NKAIN2: variants seen among roughly 807,000 people sequenced by gnomAD.
NKAIN2 encodes the protein sodium/potassium-transporting ATPase subunit beta-1-interacting protein 2.
NKAIN2 carries 14 observed loss-of-function variants against 32.6 expected under a neutral mutation model. That is an observed-to-expected ratio of 0.43 (90% confidence interval 0.28 to 0.67). The LOEUF is 0.67. NKAIN2 is among the 30% of genes least tolerant of loss of function. The pLI is 0.17. For synonymous variants in NKAIN2, 80 were observed against 87.2 expected (o/e 0.92, Z 0.46); for missense variants, 198 against 258.3 (o/e 0.77, Z 1.60).
chr6:124,644,982 A>G (rs1475550308), intron 3 of NKAIN2, among the ~76,000 whole-genome samples: 1 of 152,226 alleles, frequency 6.6e-6, no homozygotes, highest in Admixed American at 6.5e-5. Flanking sequence ...GTCTACAGGA[A>G]AATAGATGAA....
At chr6:123,945,235 AG>A (rs1777009710) in intron 1 of NKAIN2, among the ~76,000 whole-genome samples, 1 of 152,046 alleles carries the variant, frequency 6.6e-6, no homozygotes, top group Non-Finnish European at 1.5e-5. Context: ...GGTTTACCAA[AG>A]CCTCTAACTG....
intron 4 of NKAIN2, among the ~76,000 whole-genome samples, chr6:124,740,837 T>C (rs1352113952): frequency 1.3e-5 from 2 of 151,880 alleles, no homozygotes; most frequent in Non-Finnish European, 2.9e-5. Flanking sequence ...GTTTATTTGA[T>C]CTAATTATAT....
chr6:124,179,954 C>T (rs1310531667), intron 1 of NKAIN2, among the ~76,000 whole-genome samples: 1 of 152,102 alleles, frequency 6.6e-6, no homozygotes, highest in Non-Finnish European at 1.5e-5. Context: ...TTTAGAGGAG[C>T]AAGAGATTTA....
intron 1 of NKAIN2, among the ~76,000 whole-genome samples, chr6:124,025,473 G>T (rs1046565696): frequency 2.1e-4 from 31 of 150,164 alleles, no homozygotes; most frequent in African/African-American, 7.6e-4. Flanking sequence ...AAAAAAAAAT[G>T]AACAAACAAA....
chr6:124,675,746 G>A (rs979201797), intron 4 of NKAIN2, among the ~76,000 whole-genome samples: 4 of 151,278 alleles, frequency 2.6e-5, no homozygotes, highest in African/African-American at 7.3e-5. Flanking sequence ...TTTATCCTAA[G>A]TGAATGTTTG....
intron 1 of NKAIN2, among the ~76,000 whole-genome samples, chr6:123,932,124 T>C (rs116304284): frequency 1.2e-3 from 187 of 152,316 alleles, no homozygotes; most frequent in African/African-American, 4.3e-3. Context: ...GTTTGGCTGC[T>C]CCATCTCCAT....
chr6:124,192,587 A>G (rs1329990337), intron 1 of NKAIN2, among the ~76,000 whole-genome samples: 2 of 152,118 alleles, frequency 1.3e-5, no homozygotes, highest in Non-Finnish European at 2.9e-5. Context: ...GTAGTGTTCA[A>G]TAAAAGTTAA....
At chr6:124,247,322 A>T (rs1793459451) in intron 1 of NKAIN2, among the ~76,000 whole-genome samples, 1 of 152,158 alleles carries the variant, frequency 6.6e-6, no homozygotes, top group East Asian at 1.9e-4. Flanking sequence ...AGACATTTTT[A>T]AAAATTGCTT....
At chr6:123,865,936 G>A (rs1173831456) in intron 1 of NKAIN2, among the ~76,000 whole-genome samples, 1 of 152,188 alleles carries the variant, frequency 6.6e-6, no homozygotes, top group African/African-American at 2.4e-5. Context: ...GTAACAAAAT[G>A]TATTTTCTCA....
chr6:124,468,131 T>C (rs984473980), intron 3 of NKAIN2, among the ~76,000 whole-genome samples: 1 of 152,138 alleles, frequency 6.6e-6, no homozygotes, highest in African/African-American at 2.4e-5. Flanking sequence ...GTATATCTTA[T>C]TATGAATCTA....
chr6:124,100,771 A>G (rs1562357986), intron 1 of NKAIN2, among the ~76,000 whole-genome samples: 1 of 152,140 alleles, frequency 6.6e-6, no homozygotes, highest in Non-Finnish European at 1.5e-5. Flanking sequence ...GGGCCCCTAG[A>G]ATTGTTGTCC....
chr6:123,873,038 G>A (rs189536165), intron 1 of NKAIN2, among the ~76,000 whole-genome samples: 34 of 152,244 alleles, frequency 2.2e-4, no homozygotes, highest in Non-Finnish European at 4.7e-4. Flanking sequence ...TGAGCAAGAT[G>A]GACAAGGTCT....
intron 1 of NKAIN2, among the ~76,000 whole-genome samples, chr6:123,805,273 C>T (rs1457388822): frequency 6.6e-6 from 1 of 152,206 alleles, no homozygotes. Context: ...GAAGTGACTA[C>T]AAGGCAGAAG....
At chr6:123,965,366 A>G (rs750021526) in intron 1 of NKAIN2, among the ~76,000 whole-genome samples, 2 of 152,186 alleles carry the variant, frequency 1.3e-5, no homozygotes, top group African/African-American at 2.4e-5. Flanking sequence ...GCATTTAGAG[A>G]TCAAGTTTGA....
At chr6:124,227,594 A>G (rs72980438) in intron 1 of NKAIN2, among the ~76,000 whole-genome samples, 2,800 of 152,298 alleles carry the variant, frequency 0.018, 40 homozygotes, top group Non-Finnish European at 0.032. Context: ...GCCTCTAATA[A>G]ATAAGCATAA....
chr6:124,818,742 T>A (rs1258380087), intron 6 of NKAIN2, among the ~76,000 whole-genome samples: 1 of 152,100 alleles, frequency 6.6e-6, no homozygotes, highest in East Asian at 1.9e-4. Flanking sequence ...ATCTACCACT[T>A]CTTTGAGTTG....
rs374271348 is a variant in NKAIN2 at position 124,454,228 on chromosome 6, T to G, written c.273+98881T>G. ...TTATGTTTGTATTTAAAGGTTATTT[T>G]CATCAACTTTTCATCATAAAAATTG... is the stretch of plus-strand genomic sequence containing the variant. On this transcript the variant is annotated intron_variant, in intron 3 of 6. Coordinates refer to ENST00000368417, the MANE Select transcript of NKAIN2 (RefSeq NM_001040214.3). Among the ~76,000 whole-genome samples the G allele has an allele frequency of 7.2e-5, 11 of 152,142 alleles. No individual in the cohort carries two copies. The South Asian group carries it at 8.3e-4, about 11-fold the overall frequency.
At chr6:124,127,818 C>T (rs1786254700) in intron 1 of NKAIN2, among the ~76,000 whole-genome samples, 1 of 151,806 alleles carries the variant, frequency 6.6e-6, no homozygotes, top group Non-Finnish European at 1.5e-5. Flanking sequence ...GTGAGGAGGT[C>T]GATGGTTGCT....
chr6:124,526,436 A>G lies in NKAIN2; in HGVS notation c.274-131750A>G, dbSNP rs575325103. Among the ~76,000 whole-genome samples the G allele has an allele frequency of 2.0e-5, 3 of 152,316 alleles. No homozygotes were observed. In the East Asian group the frequency reaches 5.8e-4, roughly 29 times the overall value. ...CCACATGAGGTTATTTCTTTCTGCC[A>G]AATGAAAATGGTGAATGCTTCCAGG... On this transcript the variant is annotated intron_variant, in intron 3 of 6. Transcript: ENST00000368417.
Sources: gnomAD v4.1 joint callset for allele counts (sites outside exome capture counted in the v4.1 genomes callset) on GRCh38, gnomAD v4.1.1 for gene constraint, MANE v1.5 for transcripts, NCBI Gene and HGNC (gene_info 2026-07-23, HGNC 2026-07-21) for gene names.